Variants in IL16 observed in about 807,000 individuals in gnomAD.
IL16 encodes interleukin 16, also known as pro-interleukin-16.
In IL16, 67 loss-of-function variants were observed where a neutral mutation model predicts 110.1. The ratio of observed to expected loss-of-function variants is 0.61; its 90% CI spans 0.50 to 0.75. The LOEUF is 0.75. IL16 is among the 30% of genes least tolerant of loss of function. The pLI is 0.00. For synonymous variants in IL16, 689 were observed against 662.9 expected (o/e 1.04, Z -0.61); for missense variants, 1,545 against 1,655.0 (o/e 0.93, Z 1.15).
chr15:81,241,894 A>G (rs897890065), intron 2 of IL16, among the ~76,000 whole-genome samples: 2 of 151,640 alleles, frequency 1.3e-5, no homozygotes, highest in African/African-American at 4.8e-5. Flanking sequence ...TCATAGTCTT[A>G]CATTATACTT....
At chr15:81,285,639 G>T in intron 9 of IL16, 59 bp from the exon 10 acceptor site, 2 of 1,590,776 alleles carry the variant, frequency 1.3e-6, no homozygotes, top group South Asian at 2.3e-5. Flanking sequence ...CTGGGGCAGT[G>T]ACTGTTCAAA....
chr15:81,189,941 C>A (rs1019320496), intron 1 of IL16, among the ~76,000 whole-genome samples: 1 of 152,222 alleles, frequency 6.6e-6, no homozygotes, highest in Non-Finnish European at 1.5e-5. Flanking sequence ...TCCTCAGATA[C>A]TTGTGTGGGC....
chr15:81,288,116 G>A (rs1899532790), intron 10 of IL16, among the ~76,000 whole-genome samples: 1 of 152,216 alleles, frequency 6.6e-6, no homozygotes, highest in South Asian at 2.1e-4. Context: ...TCAGATAAGG[G>A]AGCCAGGCCA....
chr15:81,240,412 A>G (rs758734407), intron 2 of IL16, among the ~76,000 whole-genome samples: 4 of 151,958 alleles, frequency 2.6e-5, no homozygotes, highest in Non-Finnish European at 5.9e-5. Context: ...GGGAATTTTC[A>G]TATATACTAG....
intron 1 of IL16, among the ~76,000 whole-genome samples, chr15:81,215,246 T>G (rs1157899929): frequency 6.6e-6 from 1 of 152,234 alleles, no homozygotes; most frequent in African/African-American, 2.4e-5. Context: ...CTGCAAGGGT[T>G]AGTGTTCCTT....
intron 1 of IL16, among the ~76,000 whole-genome samples, chr15:81,204,392 T>C (rs1895933696): frequency 6.6e-6 from 1 of 152,188 alleles, no homozygotes; most frequent in Admixed American, 6.5e-5. Flanking sequence ...GGCTTCCCTG[T>C]CTTGTGCCCG....
rs1283086011 is a variant in IL16, at chr15:81,203,435, C to T, written c.-102+6283C>T. On this transcript the variant is annotated intron_variant, in intron 1 of 18. Transcript: ENST00000683961. ...GAATGGTATTGCCTAGGTTTTCTTC[C>T]AGGGTTTTTATGGTTTTAGGTCTAA... Among the ~76,000 whole-genome samples the T allele has an allele frequency of 4.1e-3, 627 of 151,494 alleles. 2 individuals carry two copies. Among genetic ancestry groups the T allele is most frequent in the African/African-American group, 0.01 (424 of 41,252 alleles).
intron 2 of IL16, among the ~76,000 whole-genome samples, chr15:81,241,913 A>G (rs894447427): frequency 2.7e-5 from 4 of 149,344 alleles, no homozygotes; most frequent in African/African-American, 9.8e-5. Context: ...TTGTAAGTCC[A>G]TTTTGAGTTA....
At chr15:81,232,042 G>GTTTTTTTTT in intron 2 of IL16, among the ~76,000 whole-genome samples, 5 of 57,702 alleles carry the variant, frequency 8.7e-5, no homozygotes, top group African/African-American at 1.3e-4. Context: ...ATTTGTTCTT[G>GTTTTTTTTT]TTTTTTTTTT....
chr15:81,233,537 G>C (rs1233000729), intron 2 of IL16, among the ~76,000 whole-genome samples: 2 of 151,008 alleles, frequency 1.3e-5, no homozygotes, highest in African/African-American at 4.9e-5. Flanking sequence ...AGTTAAAGAA[G>C]AGAATGTATT....
intron 16 of IL16, among the ~76,000 whole-genome samples, chr15:81,304,462 G>GGCGCACATGTTGGCT (rs1900449781): frequency 6.6e-6 from 1 of 152,200 alleles, no homozygotes; most frequent in African/African-American, 2.4e-5. Context: ...CTAGGAGGAA[G>GGCGCACATGTTGGCT]GCGCACATGT....
At chr15:81,235,640 T>C (rs983841625) in intron 2 of IL16, among the ~76,000 whole-genome samples, 3 of 152,168 alleles carry the variant, frequency 2.0e-5, no homozygotes, top group Non-Finnish European at 2.9e-5. Flanking sequence ...ATTTCTCAAT[T>C]TCTCTCCAGT....
In IL16 at chr15:81,279,692, C is replaced by T. The variant is rs755984887; in HGVS notation, c.999C>T (p.Ser333=). 3 of 1,614,270 alleles carry T rather than the reference C, an allele frequency of 1.9e-6. No homozygotes were observed. Residue 333 remains serine (S), a synonymous_variant, in exon 8 of 19, where the codon TCC becomes TCT. Coordinates refer to ENST00000683961, the MANE Select transcript of IL16 (RefSeq NM_172217.5). ...SSTCITKDSS[S]FALESPSAPI... ...CTTGTATCACCAAGGACAGCAGCTC[C>T]TTCGCCTTGGAAAGCCCCTCGGCTC...
chr15:81,210,210 G>C (rs898730359), intron 1 of IL16, among the ~76,000 whole-genome samples: 3 of 152,186 alleles, frequency 2.0e-5, no homozygotes, highest in South Asian at 4.1e-4. Flanking sequence ...TTTGTATTTC[G>C]TTTCATTGGT....
rs1364011051 is a variant in IL16, at chr15:81,191,504, T to TAG, written c.40+8609_40+8610dup. ...AACCCTTTATGGGCCAGGCATGCTC[T>TAG]AGTGCTGGGGACCCCACAGTGAACA... On this transcript the variant is annotated intron_variant, in intron 1 of 18. Transcript: ENST00000302987. 3.3e-5 allele frequency among the ~76,000 whole-genome samples: 5 copies of TAG among 152,312 alleles called. No homozygotes were observed. In the East Asian group the frequency reaches 9.7e-4, roughly 29 times the overall value.
At position 81,308,767 on chromosome 15, in the gene IL16, C is replaced by T; in HGVS notation, c.3968C>T (p.Ser1323Phe). ...GTCATCAGGAGAAAAAGCCTCCAGT[C>T]CAAGGAAACCACAGCTGCTGGAGAC... The part of the protein sequence containing the change: ...TIVIRRKSLQ[S>F]KETTAAGDS Residue 1323 changes from serine to phenylalanine, a missense_variant, in exon 19 of 19, where the codon TCC (serine) becomes TTC (phenylalanine). Coordinates refer to ENST00000683961, the MANE Select transcript of IL16 (RefSeq NM_172217.5). The T allele has an allele frequency of 6.2e-7, 1 of 1,613,718 alleles. No individual in the cohort carries two copies. The highest frequency in any genetic ancestry group is 8.5e-7 in the Non-Finnish European group (1 of 1,179,902).
intron 1 of IL16, among the ~76,000 whole-genome samples, chr15:81,184,162 G>A (rs944779890): frequency 7.9e-5 from 12 of 152,186 alleles, no homozygotes; most frequent in Non-Finnish European, 1.2e-4. Context: ...GGGGATCTTC[G>A]AGGGTGGGAC....
chr15:81,203,886 A>G (rs934224405), intron 1 of IL16, among the ~76,000 whole-genome samples: 6 of 152,132 alleles, frequency 3.9e-5, no homozygotes, highest in Non-Finnish European at 8.8e-5. Context: ...GATGGGGATG[A>G]CATTGAATCT....
intron 1 of IL16, among the ~76,000 whole-genome samples, chr15:81,207,246 C>CAAAAAAAAAAA (rs60442931): frequency 1.3e-4 from 13 of 102,426 alleles, no homozygotes; most frequent in South Asian, 2.7e-4. Context: ...TCAAAAAAAA[C>CAAAAAAAAAAA]AAAAAAAAAA....
Sources: gnomAD v4.1 joint callset for allele counts (sites outside exome capture counted in the v4.1 genomes callset) on GRCh38, gnomAD v4.1.1 for gene constraint, MANE v1.5 for transcripts, NCBI Gene and HGNC (gene_info 2026-07-23, HGNC 2026-07-21) for gene names.